ARSJ: variants seen among roughly 807,000 people sequenced by gnomAD.
The protein encoded by ARSJ is arylsulfatase family member J.
Under a neutral mutation model 35.9 loss-of-function variants are expected in ARSJ, and 26 were observed. The ratio of observed to expected loss-of-function variants is 0.72; its 90% confidence interval spans 0.53 to 1.00. The LOEUF is 1.00. ARSJ is among the 50% of genes least tolerant of loss of function. The probability of loss-of-function intolerance (pLI) is 0.00; values close to 1 mark genes in which losing one functional copy is unlikely to be tolerated. For missense variants in ARSJ, 667 were observed against 723.6 expected, an observed-to-expected ratio of 0.92 and a Z score of 0.90; for synonymous variants, 294 against 267.6, an observed-to-expected ratio of 1.10 and a Z score of -0.96.
At chr4:113,926,523 A>G (rs1724076010) in intron 1 of ARSJ, among the ~76,000 whole-genome samples, 1 of 152,066 alleles carries the variant, frequency 6.6e-6, no homozygotes, top group Non-Finnish European at 1.5e-5. Context: ...ATCATAGAGA[A>G]CTCCCCATAA....
At chr4:113,944,973 G>A (rs974502622) in intron 1 of ARSJ, among the ~76,000 whole-genome samples, 3 of 151,620 alleles carry the variant, frequency 2.0e-5, no homozygotes, top group Non-Finnish European at 4.4e-5. Flanking sequence ...AATTGTTCTG[G>A]CCTTAATTAA....
intron 1 of ARSJ, among the ~76,000 whole-genome samples, chr4:113,928,741 T>C (rs1053790943): frequency 7.2e-5 from 11 of 152,180 alleles, no homozygotes; most frequent in African/African-American, 2.7e-4. Flanking sequence ...AGATCTGACA[T>C]ACAGAGAAGA....
At chr4:113,958,433 G>A (rs1288909250) in intron 1 of ARSJ, among the ~76,000 whole-genome samples, 1 of 152,006 alleles carries the variant, frequency 6.6e-6, no homozygotes, top group Non-Finnish European at 1.5e-5. Context: ...GGTGTCTAAT[G>A]TTCACCTATT....
At chr4:113,914,816 T>C (rs1008418074) in intron 1 of ARSJ, among the ~76,000 whole-genome samples, 1 of 152,224 alleles carries the variant, frequency 6.6e-6, no homozygotes, top group South Asian at 2.1e-4. Context: ...GTAAGAAACA[T>C]TGTGGTATAC....
intron 1 of ARSJ, chr4:113,943,321 G>A (rs1725274286): frequency 6.6e-6 from 1 of 151,964 alleles, no homozygotes; most frequent in Non-Finnish European, 1.5e-5. Context: ...GCTCTCCTGC[G>A]ACACAGGGGC....
At chr4:113,940,715 G>A (rs774498278) in intron 1 of ARSJ, among the ~76,000 whole-genome samples, 2 of 151,612 alleles carry the variant, frequency 1.3e-5, no homozygotes, top group African/African-American at 2.4e-5. Flanking sequence ...GATGGATTTC[G>A]CCCACTTTAA....
chr4:113,979,083 C>T lies in ARSJ; in HGVS notation c.-249G>A, dbSNP rs994195756. On this transcript the variant is annotated 5_prime_UTR_variant, in exon 1 of 2. Transcript: ENST00000315366. ...CACTTTCTCCTCCTCCTCCCCCCTC[C>T]CTAGAGCAGCTTCCACCAAGGAAAA... 3.3e-5 allele frequency: 13 copies of T among 399,840 alleles called. No individual in the cohort carries two copies. Among genetic ancestry groups the T allele is most frequent in the Non-Finnish European group, 4.9e-5 (11 of 226,102 alleles). The allele number at this position is 399,840 out of a possible 1,614,324, so 24.8% of individuals were successfully genotyped here. A position where few individuals can be genotyped will look rare whatever the true frequency, so the allele number is the denominator to read the frequency against.
intron 1 of ARSJ, among the ~76,000 whole-genome samples, chr4:113,969,702 T>C (rs1727121800): frequency 6.6e-6 from 1 of 152,198 alleles, no homozygotes; most frequent in Non-Finnish European, 1.5e-5. Context: ...GAATCAGCAC[T>C]GTACTGTAAT....
chr4:113,904,755 C>T (rs2099668230), intron 1 of ARSJ, among the ~76,000 whole-genome samples: 1 of 152,202 alleles, frequency 6.6e-6, no homozygotes, highest in African/African-American at 2.4e-5. Context: ...TCCCAAAGTG[C>T]TGGGATTGCA....
At chr4:113,970,664 GGA>G (rs1455587115) in intron 1 of ARSJ, among the ~76,000 whole-genome samples, 1 of 152,060 alleles carries the variant, frequency 6.6e-6, no homozygotes, top group Non-Finnish European at 1.5e-5. Context: ...GTAAATTAGA[GGA>G]GAGAGGGGCT....
At chr4:113,948,153 C>A (rs1725619363) in intron 1 of ARSJ, among the ~76,000 whole-genome samples, 1 of 151,978 alleles carries the variant, frequency 6.6e-6, no homozygotes, top group Non-Finnish European at 1.5e-5. Flanking sequence ...TGTGCCACTG[C>A]ACTCCAGCCT....
At chr4:113,975,306 C>T (rs1727524894) in intron 1 of ARSJ, among the ~76,000 whole-genome samples, 1 of 152,086 alleles carries the variant, frequency 6.6e-6, no homozygotes, top group Non-Finnish European at 1.5e-5. Context: ...ATAGTAAAAA[C>T]ACAAAATTAC....
intron 1 of ARSJ, among the ~76,000 whole-genome samples, chr4:113,904,972 T>G (rs1397162218): frequency 1.3e-5 from 2 of 152,248 alleles, no homozygotes; most frequent in Non-Finnish European, 2.9e-5. Flanking sequence ...TAAAAAACTA[T>G]AATCACTTAT....
At chr4:113,911,521 T>A (rs1157495470) in intron 1 of ARSJ, among the ~76,000 whole-genome samples, 2 of 152,040 alleles carry the variant, frequency 1.3e-5, no homozygotes, top group African/African-American at 4.8e-5. Context: ...ACAGTGAGGA[T>A]GCAGTAAAGG....
At chr4:113,970,294 G>C (rs935080286) in intron 1 of ARSJ, among the ~76,000 whole-genome samples, 1 of 152,314 alleles carries the variant, frequency 6.6e-6, no homozygotes, top group East Asian at 1.9e-4. Flanking sequence ...ATAGGAGGCA[G>C]AATGGGGTGA....
chr4:113,927,683 C>T (rs992260157), intron 1 of ARSJ, among the ~76,000 whole-genome samples: 1 of 152,180 alleles, frequency 6.6e-6, no homozygotes, highest in Non-Finnish European at 1.5e-5. Flanking sequence ...TCTGGTACAG[C>T]AGCTACAATT....
chr4:113,913,877 A>T (rs28728171), intron 1 of ARSJ, among the ~76,000 whole-genome samples: 151,712 of 152,302 alleles, frequency 1, 75,565 homozygotes, highest in East Asian at 1. Context: ...TAGACAGGAA[A>T]TGTTAAGGAA....
At position 113,926,300 on chromosome 4, in the gene ARSJ, G is replaced by A. The variant is rs577322639; in HGVS notation, c.399-22625C>T. Among the ~76,000 whole-genome samples the A allele has an allele frequency of 2.1e-3, 324 of 152,232 alleles. 1 individual carries two copies. Among genetic ancestry groups the A allele is most frequent in the African/African-American group, 7.2e-3 (299 of 41,554 alleles). ...ACAGCCCATGAATCAGTATATAATTGCACATCCAGCCATTTCTCCTTCCAT... is the reference window on the plus strand; with the variant it reads ...ACAGCCCATGAATCAGTATATAATTACACATCCAGCCATTTCTCCTTCCAT... On this transcript the variant is annotated intron_variant, in intron 1 of 1. Coordinates refer to ENST00000315366, the MANE Select transcript of ARSJ (RefSeq NM_024590.4).
intron 1 of ARSJ, among the ~76,000 whole-genome samples, chr4:113,944,857 A>G (rs1330796033): frequency 1.3e-5 from 2 of 152,090 alleles, no homozygotes; most frequent in African/African-American, 4.8e-5. Flanking sequence ...TGTAACTATT[A>G]ACAAATTCAT....
Sources: allele counts gnomAD v4.1 joint callset (sites outside exome capture counted in the v4.1 genomes callset), GRCh38; gene constraint gnomAD v4.1.1; transcripts MANE v1.5; gene names NCBI Gene and HGNC (gene_info 2026-07-23, HGNC 2026-07-21).